The following SPAG16 variants were observed in gnomAD, a reference collection of about 807,000 sequenced individuals.
SPAG16 encodes sperm-associated antigen 16 protein.
In SPAG16, 86 loss-of-function variants were observed where a neutral mutation model predicts 80.4. The observed-to-expected ratio is 1.07, with a 90% CI of 0.90 to 1.28. The LOEUF (loss-of-function observed/expected upper bound fraction) is 1.28, where lower values mean the gene tolerates loss of function less well. SPAG16 is among the 50% of genes most tolerant of loss of function. The pLI is 0.00. For synonymous variants in SPAG16, 294 were observed against 265.9 expected (o/e 1.11, Z -1.03); for missense variants, 870 against 765.3 (o/e 1.14, Z -1.61).
intron 15 of SPAG16, chr2:214,238,375 T>C (rs1052879475): frequency 5.9e-5 from 10 of 168,174 alleles, no homozygotes; most frequent in Non-Finnish European, 1.2e-4. Context: ...GAAATGAAGG[T>C]GCACTTTATT....
At chr2:214,010,564 G>T (rs1429066083) in intron 12 of SPAG16, among the ~76,000 whole-genome samples, 1 of 146,706 alleles carries the variant, frequency 6.8e-6, no homozygotes, top group Admixed American at 6.7e-5. Flanking sequence ...GGTTGGATGG[G>T]AGATTGGAGA....
At chr2:213,759,295 C>A (rs2068516801) in intron 10 of SPAG16, among the ~76,000 whole-genome samples, 1 of 151,824 alleles carries the variant, frequency 6.6e-6, no homozygotes, top group South Asian at 2.1e-4. Flanking sequence ...TACTTTTTAA[C>A]TGCACTTTTC....
intron 9 of SPAG16, among the ~76,000 whole-genome samples, chr2:213,420,263 T>A (rs2069506192): frequency 1.3e-5 from 2 of 152,218 alleles, no homozygotes; most frequent in South Asian, 4.1e-4. Context: ...TGATGAAATA[T>A]AAGAACAGTG....
intron 10 of SPAG16, among the ~76,000 whole-genome samples, chr2:213,808,523 A>C (rs1020632063): frequency 6.6e-6 from 1 of 152,152 alleles, no homozygotes; most frequent in Non-Finnish European, 1.5e-5. Flanking sequence ...GTGATGTGAT[A>C]TGTGACTACT....
At chr2:214,111,244 T>C (rs2053647700) in intron 14 of SPAG16, among the ~76,000 whole-genome samples, 2 of 152,216 alleles carry the variant, frequency 1.3e-5, no homozygotes, top group South Asian at 4.1e-4. Context: ...GGTTTTCCTC[T>C]AGGGTTTTTA....
At chr2:213,469,663 G>C (rs1403603250) in intron 9 of SPAG16, among the ~76,000 whole-genome samples, 1 of 150,014 alleles carries the variant, frequency 6.7e-6, no homozygotes, top group Non-Finnish European at 1.5e-5. Flanking sequence ...ACCTGGGTTG[G>C]GGTGTTGCAG....
At chr2:213,523,514 G>A (rs1012960362) in intron 10 of SPAG16, among the ~76,000 whole-genome samples, 3 of 152,188 alleles carry the variant, frequency 2.0e-5, no homozygotes, top group Admixed American at 1.3e-4. Flanking sequence ...GCAGAAGTTG[G>A]AACAGTTTGG....
At chr2:214,362,336 G>A (rs1011519272) in intron 15 of SPAG16, among the ~76,000 whole-genome samples, 1 of 151,804 alleles carries the variant, frequency 6.6e-6, no homozygotes. Flanking sequence ...GCAATCTTAT[G>A]GCCAAGCCTG....
At chr2:213,334,699 G>T (rs2124903210) in intron 5 of SPAG16, among the ~76,000 whole-genome samples, 1 of 152,234 alleles carries the variant, frequency 6.6e-6, no homozygotes, top group Non-Finnish European at 1.5e-5. Flanking sequence ...AATAACCCAG[G>T]CATGGAAAGA....
chr2:213,401,009 A>G (rs1046427525), intron 9 of SPAG16, among the ~76,000 whole-genome samples: 6 of 152,086 alleles, frequency 3.9e-5, no homozygotes, highest in African/African-American at 9.7e-5. Flanking sequence ...GAGTTTTGTC[A>G]TGTTGCTCAG....
At chr2:213,401,296 A>T (rs954328401) in intron 9 of SPAG16, among the ~76,000 whole-genome samples, 5 of 152,260 alleles carry the variant, frequency 3.3e-5, no homozygotes, top group African/African-American at 1.2e-4. Context: ...GAAACATTAG[A>T]TAATGTCATA....
At chr2:213,800,925 T>A (rs549499099) in intron 10 of SPAG16, among the ~76,000 whole-genome samples, 1 of 152,210 alleles carries the variant, frequency 6.6e-6, no homozygotes, top group African/African-American at 2.4e-5. Flanking sequence ...CAAAAAGCAA[T>A]GAAACTCAAG....
At chr2:213,622,171 T>TA (rs1275999472) in intron 10 of SPAG16, among the ~76,000 whole-genome samples, 1 of 152,190 alleles carries the variant, frequency 6.6e-6, no homozygotes, top group Non-Finnish European at 1.5e-5. Flanking sequence ...GTCCCATAGC[T>TA]AGCTTTTTAA....
intron 13 of SPAG16, among the ~76,000 whole-genome samples, chr2:214,022,920 A>G (rs982577340): frequency 6.6e-6 from 1 of 152,060 alleles, no homozygotes; most frequent in Non-Finnish European, 1.5e-5. Context: ...GCCAAATTCT[A>G]TCCTCTTCCT....
intron 10 of SPAG16, among the ~76,000 whole-genome samples, chr2:213,782,970 A>T (rs2070093251): frequency 6.6e-6 from 1 of 152,048 alleles, no homozygotes; most frequent in South Asian, 2.1e-4. Context: ...ATATGTATAC[A>T]TGTGCCATGC....
At chr2:213,838,823 C>G (rs962705447) in intron 10 of SPAG16, among the ~76,000 whole-genome samples, 1 of 152,096 alleles carries the variant, frequency 6.6e-6, no homozygotes, top group Non-Finnish European at 1.5e-5. Context: ...TATTATCTCT[C>G]GCTTTCCTGA....
chr2:213,309,848 C>T (rs548699813), intron 3 of SPAG16, among the ~76,000 whole-genome samples: 2 of 151,984 alleles, frequency 1.3e-5, no homozygotes, highest in Non-Finnish European at 2.9e-5. Flanking sequence ...TGTCTCCATC[C>T]ACTTGACTAA....
chr2:213,437,757 C>T (rs1367828075), intron 9 of SPAG16, among the ~76,000 whole-genome samples: 1 of 152,188 alleles, frequency 6.6e-6, no homozygotes, highest in Non-Finnish European at 1.5e-5. Flanking sequence ...ACTTAATTTA[C>T]TTTGGTATCA....
At chr2:213,550,014 T>C (rs189178570) in intron 10 of SPAG16, among the ~76,000 whole-genome samples, 1 of 152,102 alleles carries the variant, frequency 6.6e-6, no homozygotes, top group Non-Finnish European at 1.5e-5. Context: ...ATTTTTATAG[T>C]TGTATTTGAC....
Sources: gnomAD v4.1 joint callset for allele counts (sites outside exome capture counted in the v4.1 genomes callset) on GRCh38, gnomAD v4.1.1 for gene constraint, MANE v1.5 for transcripts, NCBI Gene and HGNC (gene_info 2026-07-23, HGNC 2026-07-21) for gene names.